TRHDE: variants seen among roughly 807,000 people sequenced by gnomAD.
TRHDE encodes the protein thyrotropin-releasing hormone-degrading ectoenzyme.
In TRHDE, 72 loss-of-function variants were observed where a neutral mutation model predicts 125.7. The observed-to-expected ratio is 0.57, with a 90% CI of 0.47 to 0.70. The LOEUF (loss-of-function observed/expected upper bound fraction) is 0.70, where lower values mean the gene tolerates loss of function less well. Ranked by LOEUF, TRHDE falls within the 30% of genes least tolerant of loss-of-function variation. The probability of loss-of-function intolerance (pLI) is 0.00; values close to 1 mark genes in which losing one functional copy is unlikely to be tolerated. For synonymous variants in TRHDE, 509 were observed against 509.1 expected (o/e 1.00, Z 0.00); for missense variants, 1,110 against 1,327.1 (o/e 0.84, Z 2.54).
At chr12:72,548,923 G>A (rs1353914987) in intron 7 of TRHDE, among the ~76,000 whole-genome samples, 1 of 151,742 alleles carries the variant, frequency 6.6e-6, no homozygotes, top group Non-Finnish European at 1.5e-5. Context: ...ATCCCTGTCA[G>A]AAATTGAGTC....
chr12:72,541,767 T>C (rs1869159830), intron 6 of TRHDE, among the ~76,000 whole-genome samples: 1 of 151,392 alleles, frequency 6.6e-6, no homozygotes, highest in Non-Finnish European at 1.5e-5. Context: ...TGAGTAAACA[T>C]GGTGAGTAAG....
chr12:72,611,751 C>T (rs910994393), intron 12 of TRHDE, among the ~76,000 whole-genome samples: 3 of 152,134 alleles, frequency 2.0e-5, no homozygotes, highest in African/African-American at 7.2e-5. Context: ...AGTTCTTTCA[C>T]TTTAACTTCT....
intron 15 of TRHDE, among the ~76,000 whole-genome samples, chr12:72,622,468 A>G (rs1873092705): frequency 6.6e-6 from 1 of 151,994 alleles, no homozygotes; most frequent in Admixed American, 6.6e-5. Flanking sequence ...TTCTTTTTAC[A>G]CTTTGGACAA....
chr12:72,204,628 C>T (rs1012794756), intron 2 of TRHDE, among the ~76,000 whole-genome samples: 5 of 152,160 alleles, frequency 3.3e-5, no homozygotes, highest in African/African-American at 1.2e-4. Flanking sequence ...CATTACTTTT[C>T]TTGCAATTTC....
intron 2 of TRHDE, among the ~76,000 whole-genome samples, chr12:72,366,068 T>C (rs1274758249): frequency 6.6e-6 from 1 of 152,148 alleles, no homozygotes; most frequent in Non-Finnish European, 1.5e-5. Context: ...TCCAACGAAC[T>C]CTTTCTGCCT....
chr12:72,606,201 C>G (rs1872436080), intron 12 of TRHDE, among the ~76,000 whole-genome samples: 1 of 152,144 alleles, frequency 6.6e-6, no homozygotes, highest in Non-Finnish European at 1.5e-5. Context: ...GTACAGCAAC[C>G]CTGTCATTTT....
intron 2 of TRHDE, among the ~76,000 whole-genome samples, chr12:72,296,535 G>A (rs982515652): frequency 1.3e-5 from 2 of 152,014 alleles, no homozygotes; most frequent in Non-Finnish European, 2.9e-5. Context: ...AGTAATAGCT[G>A]AGTCATAGCT....
At chr12:72,311,785 A>G (rs1256338923) in intron 2 of TRHDE, among the ~76,000 whole-genome samples, 1 of 152,164 alleles carries the variant, frequency 6.6e-6, no homozygotes, top group East Asian at 1.9e-4. Context: ...AAAATGGGCA[A>G]TTGAGGGGCA....
At chr12:72,236,086 C>T (rs1565669263) in intron 2 of TRHDE, among the ~76,000 whole-genome samples, 2 of 152,102 alleles carry the variant, frequency 1.3e-5, no homozygotes, top group Non-Finnish European at 2.9e-5. Context: ...AATTAATGTT[C>T]ATCATTTTTA....
chr12:72,139,362 C>T (rs1319610889), intron 2 of TRHDE, among the ~76,000 whole-genome samples: 2 of 151,516 alleles, frequency 1.3e-5, no homozygotes, highest in Admixed American at 6.6e-5. Context: ...ATGATAAAAA[C>T]TTTAGAATGA....
intron 3 of TRHDE, among the ~76,000 whole-genome samples, chr12:72,388,325 T>C (rs1004406601): frequency 6.6e-6 from 1 of 152,202 alleles, no homozygotes; most frequent in Non-Finnish European, 1.5e-5. Flanking sequence ...CTTACTTAAC[T>C]TGTGTTTTGT....
chr12:72,517,287 G>A lies in TRHDE; in HGVS notation c.1722+17652G>A, dbSNP rs564089003. On this transcript the variant is annotated intron_variant, in intron 6 of 18. Coordinates refer to ENST00000261180, the MANE Select transcript of TRHDE (RefSeq NM_013381.3). ...TCCATCTGGTCCTGGACTCTTTTTG[G>A]TTGGTAAGCTATTGATTATTGCCAC... Among the ~76,000 whole-genome samples, 9 of 151,288 alleles carry A rather than the reference G, an allele frequency of 5.9e-5. No individual in the cohort carries two copies. The South Asian group carries it at 1.5e-3, about 25-fold the overall frequency.
intron 5 of TRHDE, 72 bp downstream of exon 5, chr12:72,473,252 C>A: frequency 4.4e-6 from 5 of 1,140,148 alleles, no homozygotes; most frequent in South Asian, 4.2e-5. Context: ...TTATACCATC[C>A]TTAGAGATGA....
chr12:72,446,473 ACAT>A (rs1454917158), intron 3 of TRHDE, among the ~76,000 whole-genome samples: 1 of 152,056 alleles, frequency 6.6e-6, no homozygotes, highest in East Asian at 1.9e-4. Flanking sequence ...TAACCAGCCA[ACAT>A]CATAATGACA....
chr12:72,318,554 C>T (rs1281526662), intron 2 of TRHDE, among the ~76,000 whole-genome samples: 1 of 152,046 alleles, frequency 6.6e-6, no homozygotes, highest in African/African-American at 2.4e-5. Context: ...GATTGTTTTT[C>T]CCAAGAAGAG....
intron 6 of TRHDE, among the ~76,000 whole-genome samples, chr12:72,520,632 G>A (rs1355855229): frequency 1.3e-5 from 2 of 152,180 alleles, no homozygotes; most frequent in Admixed American, 6.5e-5. Flanking sequence ...GCTGTAGACT[G>A]GAGCTGTTCC....
At chr12:72,235,103 T>G (rs531682457) in intron 2 of TRHDE, among the ~76,000 whole-genome samples, 1 of 152,254 alleles carries the variant, frequency 6.6e-6, no homozygotes, top group South Asian at 2.1e-4. Context: ...ATGGAACTCT[T>G]AAGTATTATG....
chr12:72,312,057 C>T (rs949285117), intron 2 of TRHDE, among the ~76,000 whole-genome samples: 1 of 152,148 alleles, frequency 6.6e-6, no homozygotes, highest in Non-Finnish European at 1.5e-5. Flanking sequence ...ACTTAAAATA[C>T]ATCTTGCTTA....
chr12:72,118,738 G>A (rs369291508), intron 2 of TRHDE, among the ~76,000 whole-genome samples: 3 of 152,066 alleles, frequency 2.0e-5, no homozygotes, highest in African/African-American at 7.2e-5. Flanking sequence ...CTCGTTACTG[G>A]TCTGTTCAGG....
Sources: gnomAD v4.1 joint callset for allele counts (sites outside exome capture counted in the v4.1 genomes callset) on GRCh38, gnomAD v4.1.1 for gene constraint, MANE v1.5 for transcripts, NCBI Gene and HGNC (gene_info 2026-07-23, HGNC 2026-07-21) for gene names.